SH3GL3: variants seen among roughly 807,000 people sequenced by gnomAD.
SH3GL3 encodes SH3 domain containing GRB2 like 3, endophilin A3, also known as endophilin-A3.
A neutral mutation model predicts 47.7 loss-of-function variants in SH3GL3; 33 were observed. That is an observed-to-expected ratio of 0.69 (90% CI 0.52 to 0.92). The LOEUF (loss-of-function observed/expected upper bound fraction) is 0.92, where lower values mean the gene tolerates loss of function less well. Ranked by LOEUF, SH3GL3 falls within the 40% of genes least tolerant of loss-of-function variation. SH3GL3 has a pLI of 0.00. For synonymous variants in SH3GL3, 155 were observed against 148.8 expected (o/e 1.04, Z -0.30); for missense variants, 363 against 417.8 (o/e 0.87, Z 1.14).
intron 1 of SH3GL3, among the ~76,000 whole-genome samples, chr15:83,491,626 G>T (rs2041878363): frequency 6.6e-6 from 1 of 152,192 alleles, no homozygotes; most frequent in Non-Finnish European, 1.5e-5. Context: ...AAGGGGCTTG[G>T]TGTTTGAAAG....
intron 1 of SH3GL3, among the ~76,000 whole-genome samples, chr15:83,527,227 G>A (rs2043465178): frequency 6.6e-6 from 1 of 152,030 alleles, no homozygotes; most frequent in Admixed American, 6.6e-5. Flanking sequence ...ATGTCTGTTA[G>A]GTTCATTTGG....
chr15:83,587,461 G>A (rs1168357009), intron 7 of SH3GL3, among the ~76,000 whole-genome samples: 3 of 148,180 alleles, frequency 2.0e-5, no homozygotes, highest in Non-Finnish European at 3.0e-5. Context: ...TTCACAAAGG[G>A]ATGGAAAACA....
In SH3GL3 at chr15:83,559,330, A is replaced by T; in HGVS notation, c.114+9A>T. On this transcript the variant is annotated intron_variant, in intron 2 of 8. Transcript: ENST00000427482. ...TTCTTGACATGGAAAGGGTAAGAGC[A>T]TTTTAATATGTAAATTGATTAGAAA... The T allele has an allele frequency of 6.9e-7, 1 of 1,448,534 alleles. No individual in the cohort carries two copies. Among genetic ancestry groups the T allele is most frequent in the Non-Finnish European group, 9.7e-7 (1 of 1,029,278 alleles). 89.7% of individuals were successfully genotyped at this position (1,448,534 alleles called of 1,614,324 possible). A position where few individuals can be genotyped will look rare whatever the true frequency, so the allele number is the denominator to read the frequency against.
In SH3GL3 at chr15:83,490,826, A is replaced by T. The variant is rs371863701; in HGVS notation, c.45+43248A>T. ...ATTGAGGACTCTCTTAAATCAGAAG[A>T]TGAATGAATGGATGGAATCTTTGCT... On this transcript the variant is annotated intron_variant, in intron 1 of 8. Transcript: ENST00000427482. 32 of 1,614,076 alleles carry T rather than the reference A, an allele frequency of 2.0e-5. No individual in the cohort carries two copies. In the Admixed American group the frequency reaches 2.5e-4, roughly 13 times the overall value.
At chr15:83,461,062 G>A (rs968348906) in intron 1 of SH3GL3, among the ~76,000 whole-genome samples, 3 of 150,488 alleles carry the variant, frequency 2.0e-5, no homozygotes, top group African/African-American at 7.3e-5. Context: ...CAGCCTGGGC[G>A]ACAGAGCGAG....
At chr15:83,512,507 T>C (rs1302685233) in intron 1 of SH3GL3, among the ~76,000 whole-genome samples, 1 of 152,192 alleles carries the variant, frequency 6.6e-6, no homozygotes, top group Non-Finnish European at 1.5e-5. Context: ...CTTTCTTTGC[T>C]CCTGGTGTCA....
chr15:83,499,227 C>T (rs2151601517), intron 1 of SH3GL3, among the ~76,000 whole-genome samples: 1 of 152,102 alleles, frequency 6.6e-6, no homozygotes, highest in Non-Finnish European at 1.5e-5. Flanking sequence ...AGGAGGTTTA[C>T]AGTTAGCAGT....
At position 83,558,341 on chromosome 15, in the gene SH3GL3, CTT is replaced by C. The variant is rs374260966; in HGVS notation, c.46-910_46-909del. On this transcript the variant is annotated intron_variant, in intron 1 of 8. Transcript: ENST00000427482. The stretch of plus-strand genomic sequence containing the variant: ...TCCCTGTGCTCTGGGCGTTGCGTAA[CTT>C]TCAGATTTTATTTTCCTCCATTCTT... Among the ~76,000 whole-genome samples, 612 of 152,270 alleles carry C rather than the reference CTT, an allele frequency of 4.0e-3. 5 individuals are homozygous for C. Among genetic ancestry groups the C allele is most frequent in the African/African-American group, 0.014 (591 of 41,534 alleles).
At chr15:83,608,692 A>G (rs2060589871) in intron 8 of SH3GL3, among the ~76,000 whole-genome samples, 1 of 152,072 alleles carries the variant, frequency 6.6e-6, no homozygotes, top group South Asian at 2.1e-4. Flanking sequence ...TTGAAAATGA[A>G]TTGGAACCAG....
At chr15:83,519,943 T>A (rs2043137056) in intron 1 of SH3GL3, among the ~76,000 whole-genome samples, 1 of 152,238 alleles carries the variant, frequency 6.6e-6, no homozygotes, top group Admixed American at 6.5e-5. Flanking sequence ...TTTGCCTTAC[T>A]TGCAAGCTAA....
chr15:83,601,454 C>A (rs549849365), intron 8 of SH3GL3, among the ~76,000 whole-genome samples: 1 of 152,030 alleles, frequency 6.6e-6, no homozygotes, highest in Non-Finnish European at 1.5e-5. Flanking sequence ...TTGAGATGAT[C>A]GTGTAATTTT....
rs1399157271 is a variant in SH3GL3, at chr15:83,618,706, G to GT, written c.*419_*420insT. On this transcript the variant is annotated 3_prime_UTR_variant, in exon 9 of 9. Coordinates refer to ENST00000427482, the MANE Select transcript of SH3GL3 (RefSeq NM_003027.5). ...TTCATTGTATTTTAAGCTTACCTGT[G>GT]AATAGCCCAATAAACATGACACACT... 5.3e-6 allele frequency: 1 copy of GT among 187,404 alleles called. No homozygotes were observed. The highest frequency in any genetic ancestry group is 1.1e-5 in the Non-Finnish European group (1 of 88,218). The allele number at this position is 187,404 out of a possible 1,614,324, so 11.6% of individuals were successfully genotyped here.
At chr15:83,614,481 C>T (rs935342677) in intron 8 of SH3GL3, among the ~76,000 whole-genome samples, 4 of 152,190 alleles carry the variant, frequency 2.6e-5, no homozygotes, top group African/African-American at 9.7e-5. Context: ...CCATTACCCC[C>T]TTCTCTTTCC....
At chr15:83,537,996 G>GT (rs1437395884) in intron 1 of SH3GL3, among the ~76,000 whole-genome samples, 1 of 152,104 alleles carries the variant, frequency 6.6e-6, no homozygotes, top group Non-Finnish European at 1.5e-5. Context: ...TATTATATGT[G>GT]TTTTATCGAT....
At chr15:83,543,634 C>CTTGTT (rs1415549257) in intron 1 of SH3GL3, among the ~76,000 whole-genome samples, 2 of 151,894 alleles carry the variant, frequency 1.3e-5, no homozygotes, top group African/African-American at 4.8e-5. Flanking sequence ...ATGTCCCAGG[C>CTTGTT]TTGTTTTGCC....
intron 1 of SH3GL3, among the ~76,000 whole-genome samples, chr15:83,556,551 G>A (rs1045129083): frequency 1.3e-5 from 2 of 152,152 alleles, no homozygotes; most frequent in African/African-American, 2.4e-5. Context: ...GTGCGAACTC[G>A]TTCGGATTAA....
chr15:83,548,931 T>A (rs2044533153), intron 1 of SH3GL3, among the ~76,000 whole-genome samples: 1 of 152,186 alleles, frequency 6.6e-6, no homozygotes, highest in Admixed American at 6.5e-5. Context: ...ATGTCTGATG[T>A]GCTTATAGTG....
chr15:83,612,827 C>G (rs1191289254), intron 8 of SH3GL3, among the ~76,000 whole-genome samples: 2 of 152,194 alleles, frequency 1.3e-5, no homozygotes, highest in African/African-American at 4.8e-5. Context: ...GTTCTTCAAG[C>G]TCTAGTTCTT....
chr15:83,543,163 GT>G (rs925496592), intron 1 of SH3GL3, among the ~76,000 whole-genome samples: 1 of 151,912 alleles, frequency 6.6e-6, no homozygotes, highest in African/African-American at 2.4e-5. Context: ...TCAATATCCA[GT>G]TTTTTTAGGG....
Sources: gnomAD v4.1 joint callset for allele counts (sites outside exome capture counted in the v4.1 genomes callset) on GRCh38, gnomAD v4.1.1 for gene constraint, MANE v1.5 for transcripts, NCBI Gene and HGNC (gene_info 2026-07-23, HGNC 2026-07-21) for gene names.